Variants in PRPH2 observed in about 807,000 individuals in gnomAD.
PRPH2 encodes peripherin 2.
Under a neutral mutation model 31.3 loss-of-function variants are expected in PRPH2, and 17 were observed. That is an observed-to-expected ratio of 0.54 (90% confidence interval 0.37 to 0.81). The LOEUF (loss-of-function observed/expected upper bound fraction) is 0.81, where lower values mean the gene tolerates loss of function less well. PRPH2 is among the 40% of genes least tolerant of loss of function. PRPH2 has a pLI of 0.00. For missense variants in PRPH2, 430 were observed against 439.7 expected, an observed-to-expected ratio of 0.98 and a Z score of 0.20; for synonymous variants, 165 against 184.4, an observed-to-expected ratio of 0.89 and a Z score of 0.85.
chr6:42,708,655 T>C (rs1800216985), intron 1 of PRPH2, among the ~76,000 whole-genome samples: 1 of 152,202 alleles, frequency 6.6e-6, no homozygotes, highest in Non-Finnish European at 1.5e-5. Context: ...TCCCACCTCC[T>C]GACCTACAGG....
Position 42,722,035 on chromosome 6 carries a change from C to A in PRPH2, c.300G>T (p.Pro100=), listed in dbSNP as rs150695654. 3 of 1,614,140 alleles carry A rather than the reference C, an allele frequency of 1.9e-6. No individual in the cohort carries two copies. Among genetic ancestry groups the A allele is most frequent in the South Asian group, 1.1e-5 (1 of 91,084 alleles). ...KYARWKPWLK[P]YLAICVLFNI... Reference sequence around the variant, plus strand: ...TGAAGAGAACACAGATAGCCAGGTACGGCTTCAGCCAGGGCTTCCATCTGG... The same window carrying A: ...TGAAGAGAACACAGATAGCCAGGTAAGGCTTCAGCCAGGGCTTCCATCTGG... Residue 100 remains proline, a synonymous_variant, in exon 1 of 3, where the codon CCG becomes CCT. Transcript: ENST00000230381. The surrounding 1 kb of genome is among the most constrained non-coding windows in gnomAD (Gnocchi z 4.4).
chr6:42,706,975 CTT>C lies in PRPH2; in HGVS notation c.582-2366_582-2365del, dbSNP rs34162811. On this transcript the variant is annotated intron_variant, in intron 1 of 2. Coordinates refer to ENST00000230381, the MANE Select transcript of PRPH2 (RefSeq NM_000322.5). ...TTTCCCTTAGCAATATCTTGGAGAT[CTT>C]TTTTTTTTTTTTTTTGGCATGGATG... Among the ~76,000 whole-genome samples the C allele has an allele frequency of 5.6e-3, 697 of 123,592 alleles. 2 individuals carry two copies. Among genetic ancestry groups the C allele is most frequent in the African/African-American group, 0.019 (605 of 32,068 alleles). The allele number at this position is 123,592 out of a possible 152,430, so 81.1% of individuals were successfully genotyped here. A position where few individuals can be genotyped will look rare whatever the true frequency, so the allele number is the denominator to read the frequency against.
rs1799968039 is a variant in PRPH2, at chr6:42,697,522, G to C, written c.*773C>G. Reference sequence around the variant, plus strand: ...CCGATGAGCCACAGGAGATCACCTGGCACTTTAGGGGTGGTGTGGTGCTGG... The same window carrying C: ...CCGATGAGCCACAGGAGATCACCTGCCACTTTAGGGGTGGTGTGGTGCTGG... On this transcript the variant is annotated 3_prime_UTR_variant, in exon 3 of 3. Coordinates refer to ENST00000230381, the MANE Select transcript of PRPH2 (RefSeq NM_000322.5). 2 of 152,264 alleles carry C rather than the reference G, an allele frequency of 1.3e-5. No individual in the cohort carries two copies. 9.4% of individuals were successfully genotyped at this position (152,264 alleles called of 1,614,324 possible).
intron 2 of PRPH2, among the ~76,000 whole-genome samples, chr6:42,702,809 G>C (rs1162121578): frequency 2.6e-5 from 4 of 152,016 alleles, no homozygotes; most frequent in Admixed American, 1.3e-4. Flanking sequence ...GGTGGAGCTT[G>C]CAGTGAGCTG....
chr6:42,705,599 A>AAAAAAAATAT (rs1562424252), intron 1 of PRPH2, among the ~76,000 whole-genome samples: 3 of 21,576 alleles, frequency 1.4e-4, no homozygotes, highest in African/African-American at 3.7e-4. Context: ...AAAAAAAAAA[A>AAAAAAAATAT]ATATATATAT....
intron 1 of PRPH2, among the ~76,000 whole-genome samples, chr6:42,717,467 C>A (rs1047472957): frequency 6.6e-6 from 1 of 151,984 alleles, no homozygotes; most frequent in Non-Finnish European, 1.5e-5. Flanking sequence ...GCCGGCCTCA[C>A]CTCTTTGCCA....
In PRPH2 at chr6:42,722,404, G is replaced by A; in HGVS notation, c.-70C>T. ...ACCCCAAACCTTAACGAGCCCAGAG[G>A]CGGAGACTTAGGGCCTTGGGAAAAG... is the stretch of plus-strand genomic sequence containing the variant. On this transcript the variant is annotated 5_prime_UTR_variant, in exon 1 of 3. Transcript: ENST00000230381. This position sits in a 1 kb window ranked among gnomAD's most constrained non-coding sequence, Gnocchi z 4.4. The A allele has an allele frequency of 2.5e-6, 4 of 1,597,040 alleles. No individual in the cohort carries two copies. Among genetic ancestry groups the A allele is most frequent in the Non-Finnish European group, 3.4e-6 (4 of 1,176,004 alleles).
chr6:42,699,995 G>A (rs1339296755), intron 2 of PRPH2, among the ~76,000 whole-genome samples: 2 of 140,824 alleles, frequency 1.4e-5, no homozygotes, highest in Non-Finnish European at 3.0e-5. Context: ...GTCTCGCTCT[G>A]TCACCCAGGC....
Position 42,698,418 on chromosome 6 carries a change from C to T in PRPH2, c.918G>A (p.Trp306Ter). 6.2e-7 allele frequency: 1 copy of T among 1,613,926 alleles called. No homozygotes were observed. The highest frequency in any genetic ancestry group is 8.5e-7 in the Non-Finnish European group (1 of 1,179,802). The change falls in exon 3 of 3, where the codon TGG (tryptophan) becomes TGA (stop). Residue 306 changes from tryptophan (W) to a stop codon, truncating the protein, a stop_gained. Transcript: ENST00000230381. LOFTEE classifies it high-confidence loss of function. ...TCTCCGGCACGCTCCTCTCCAGCAG[C>T]CAGCCCTGGCTCTCGCTCTCAGATT... ...PEESESESQG[W>*]LLERSVPETW... is the part of the protein sequence containing the mutation.
In PRPH2 at chr6:42,721,966, C is replaced by T. The variant is rs760213205; in HGVS notation, c.369G>A (p.Arg123=). The part of the protein sequence containing the change: ...FLVALCCFLL[R]GSLENTLGQG... ...GGCCCAGGGTGTTCTCCAGCGAGCC[C>T]CGAAGCAGAAAGCAGCAGAGAGCCA... Residue 123 remains arginine, a synonymous_variant, in exon 1 of 3, where the codon CGG becomes CGA. Transcript: ENST00000230381. The T allele has an allele frequency of 1.9e-6, 3 of 1,613,926 alleles. No homozygotes were observed. In the East Asian group the frequency reaches 6.7e-5, roughly 36 times the overall value.
At chr6:42,718,383 G>C (rs1419150252) in intron 1 of PRPH2, among the ~76,000 whole-genome samples, 1 of 151,854 alleles carries the variant, frequency 6.6e-6, no homozygotes, top group Non-Finnish European at 1.5e-5. Flanking sequence ...CATAAGAATA[G>C]CTTGAACCCT....
chr6:42,722,550 G>C lies in PRPH2; in HGVS notation c.-216C>G, dbSNP rs1432108923. 1 of 1,435,934 alleles carries C rather than the reference G, an allele frequency of 7.0e-7. No individual in the cohort carries two copies. Among genetic ancestry groups the C allele is most frequent in the East Asian group, 2.6e-5 (1 of 39,044 alleles). The allele number at this position is 1,435,934 out of a possible 1,614,324, so 88.9% of individuals were successfully genotyped here. ...GGTCTCGGAATCACAGCTTGAGCAG[G>C]GGATAGTCCTGGTCCTGGGCGTTGT... On this transcript the variant is annotated 5_prime_UTR_variant, in exon 1 of 3. Transcript: ENST00000230381. This position sits in a 1 kb window ranked among gnomAD's most constrained non-coding sequence, Gnocchi z 4.4.
chr6:42,711,547 G>A (rs1161460922), intron 1 of PRPH2, among the ~76,000 whole-genome samples: 1 of 109,284 alleles, frequency 9.2e-6, no homozygotes, highest in Non-Finnish European at 1.9e-5. Context: ...CCATCCTCAG[G>A]GAGCCCCGGT....
At chr6:42,712,726 C>CA (rs1193683527) in intron 1 of PRPH2, among the ~76,000 whole-genome samples, 1 of 146,258 alleles carries the variant, frequency 6.8e-6, no homozygotes, top group Non-Finnish European at 1.5e-5. Context: ...CTGTTTTTTC[C>CA]TTTTTTTTTT....
intron 1 of PRPH2, among the ~76,000 whole-genome samples, chr6:42,720,371 C>T (rs1340685004): frequency 6.6e-6 from 1 of 152,064 alleles, no homozygotes; most frequent in Non-Finnish European, 1.5e-5. Context: ...CTCTCCCACT[C>T]CCCAGAATTC....
At position 42,697,362 on chromosome 6, in the gene PRPH2, A is replaced by T. The variant is rs1024027455; in HGVS notation, c.*933T>A. On this transcript the variant is annotated 3_prime_UTR_variant, in exon 3 of 3. Transcript: ENST00000230381. ...TTGCTGTGGACAATTAGTGTTGTCC[A>T]TGGGGCTGTGATGGCCACCTGTGTG... 6.6e-6 allele frequency: 1 copy of T among 152,162 alleles called. No homozygotes were observed. Among genetic ancestry groups the T allele is most frequent in the Admixed American group, 6.6e-5 (1 of 15,266 alleles). The allele number at this position is 152,162 out of a possible 1,614,324, so 9.4% of individuals were successfully genotyped here. A position where few individuals can be genotyped will look rare whatever the true frequency, so the allele number is the denominator to read the frequency against.
chr6:42,709,563 G>A (rs1044387695), intron 1 of PRPH2, among the ~76,000 whole-genome samples: 1 of 152,144 alleles, frequency 6.6e-6, no homozygotes, highest in Non-Finnish European at 1.5e-5. Context: ...AGAGGGTTGA[G>A]GTAGATGGTA....
chr6:42,714,140 T>C (rs1036222432), intron 1 of PRPH2, among the ~76,000 whole-genome samples: 3 of 152,132 alleles, frequency 2.0e-5, no homozygotes, highest in Admixed American at 2.0e-4. Flanking sequence ...TGACATGCCA[T>C]ATAATGGAAT....
Position 42,698,609 on chromosome 6 carries a change from C to T in PRPH2, c.829-102G>A, listed in dbSNP as rs535120627. 3,147 of 1,522,694 alleles carry T rather than the reference C, an allele frequency of 2.1e-3. 102 individuals carry two copies. The South Asian group carries it at 0.035, about 17-fold the overall frequency. 94.3% of individuals were successfully genotyped at this position (1,522,694 alleles called of 1,614,324 possible). ...CTCAAATTGAGGGTCCCAGAGAGGA[C>T]TCAACCTGAGCACTGTGGAGTGTGG... On this transcript the variant is annotated intron_variant, in intron 2 of 2. Transcript: ENST00000230381.
Sources: gnomAD v4.1 joint callset for allele counts (sites outside exome capture counted in the v4.1 genomes callset) on GRCh38, gnomAD v4.1.1 for gene constraint, Gnocchi (gnomAD v3.1) non-coding constraint, MANE v1.5 for transcripts, NCBI Gene and HGNC (gene_info 2026-07-23, HGNC 2026-07-21) for gene names.